Variants in GRM7 observed in about 807,000 individuals in gnomAD.
The protein encoded by GRM7 is glutamate metabotropic receptor 7.
GRM7 carries 35 observed loss-of-function variants against 84.5 expected under a neutral mutation model. The ratio of observed to expected loss-of-function variants is 0.41; its 90% CI spans 0.32 to 0.55. The LOEUF is 0.55. GRM7 is among the 20% of genes least tolerant of loss of function. The pLI, the probability that GRM7 is intolerant of heterozygous loss-of-function variation, is 0.19. For synonymous variants in GRM7, 487 were observed against 455.1 expected (o/e 1.07, Z -0.89); for missense variants, 1,003 against 1,194.6 (o/e 0.84, Z 2.36).
intron 1 of GRM7, among the ~76,000 whole-genome samples, chr3:7,099,398 A>G (rs1037446915): frequency 1.4e-5 from 2 of 148,052 alleles, no homozygotes; most frequent in African/African-American, 4.9e-5. Context: ...TACATTATAT[A>G]CATACATAAT....
chr3:7,229,722 C>CATATATATATATAT (rs772166647), intron 2 of GRM7, among the ~76,000 whole-genome samples: 32 of 25,738 alleles, frequency 1.2e-3, no homozygotes, highest in Middle Eastern at 0.028. Context: ...TCCATAGACA[C>CATATATATATATAT]ACACATATAT....
intron 2 of GRM7, among the ~76,000 whole-genome samples, chr3:7,298,336 G>C (rs1699882032): frequency 6.6e-6 from 1 of 152,114 alleles, no homozygotes; most frequent in Admixed American, 6.6e-5. Flanking sequence ...TTTTTGTAGT[G>C]TTATTAAGGG....
chr3:7,327,043 G>A (rs1378001847), intron 4 of GRM7, among the ~76,000 whole-genome samples: 1 of 152,104 alleles, frequency 6.6e-6, no homozygotes, highest in Non-Finnish European at 1.5e-5. Flanking sequence ...CACTAGCATG[G>A]TGCCTGGCAC....
chr3:7,132,289 C>G (rs1406042936), intron 1 of GRM7, among the ~76,000 whole-genome samples: 1 of 152,100 alleles, frequency 6.6e-6, no homozygotes, highest in Non-Finnish European at 1.5e-5. Context: ...ATATTATATT[C>G]CTTACTTGGT....
intron 9 of GRM7, among the ~76,000 whole-genome samples, chr3:7,686,794 A>G (rs958198289): frequency 3.9e-5 from 6 of 152,138 alleles, no homozygotes; most frequent in Non-Finnish European, 7.4e-5. Context: ...ATGTTTTCCT[A>G]CTGTGGGCTT....
At chr3:7,300,219 G>T (rs904779904) in intron 3 of GRM7, among the ~76,000 whole-genome samples, 10 of 152,066 alleles carry the variant, frequency 6.6e-5, no homozygotes, top group African/African-American at 2.2e-4. Flanking sequence ...CAGGGTAAAG[G>T]TTTAATGGCC....
chr3:7,685,801 AG>A (rs1425313964), intron 9 of GRM7, among the ~76,000 whole-genome samples: 1 of 151,372 alleles, frequency 6.6e-6, no homozygotes, highest in Non-Finnish European at 1.5e-5. Context: ...AAAAAAAAAA[AG>A]AAAGAAAAAG....
intron 8 of GRM7, among the ~76,000 whole-genome samples, chr3:7,658,595 G>A (rs1699302477): frequency 6.6e-6 from 1 of 152,176 alleles, no homozygotes; most frequent in East Asian, 1.9e-4. Flanking sequence ...TGTAAAGCAA[G>A]TTAACGATAC....
intron 2 of GRM7, among the ~76,000 whole-genome samples, chr3:7,208,572 G>A (rs1239463922): frequency 6.6e-6 from 1 of 152,128 alleles, no homozygotes; most frequent in Non-Finnish European, 1.5e-5. Context: ...AGGGAGGTTT[G>A]CTCAGAGGGC....
Position 7,216,354 on chromosome 3 carries a change from G to A in GRM7, c.736+69686G>A, listed in dbSNP as rs140235374. Among the ~76,000 whole-genome samples, 8 of 152,298 alleles carry A rather than the reference G, an allele frequency of 5.3e-5. No homozygotes were observed. The East Asian group carries it at 1.5e-3, about 29-fold the overall frequency. ...TCTACTGATAATTGACTAAAGGCAA[G>A]TATATGTACCTATATGTATTTGTGT... On this transcript the variant is annotated intron_variant, in intron 2 of 9. Coordinates refer to ENST00000357716, the MANE Select transcript of GRM7 (RefSeq NM_000844.4).
intron 9 of GRM7, among the ~76,000 whole-genome samples, chr3:7,698,801 C>T (rs1343920941): frequency 6.6e-6 from 1 of 152,096 alleles, no homozygotes; most frequent in African/African-American, 2.4e-5. Context: ...TTAAGTACCC[C>T]CGGGCTACTA....
chr3:7,524,459 T>C (rs1266573900), intron 7 of GRM7, among the ~76,000 whole-genome samples: 2 of 88,188 alleles, frequency 2.3e-5, no homozygotes, highest in Non-Finnish European at 4.3e-5. Flanking sequence ...GCAAAGGACA[T>C]GAACAGACAC....
chr3:7,382,257 T>C (rs1056162724), intron 4 of GRM7, among the ~76,000 whole-genome samples: 2 of 152,186 alleles, frequency 1.3e-5, no homozygotes, highest in African/African-American at 4.8e-5. Context: ...TTATGAGCTT[T>C]GATTGCCTTT....
intron 1 of GRM7, among the ~76,000 whole-genome samples, chr3:6,991,014 A>G (rs1346788446): frequency 6.6e-6 from 1 of 152,130 alleles, no homozygotes; most frequent in Non-Finnish European, 1.5e-5. Context: ...GGCTGCCGTG[A>G]GACATGATCA....
chr3:7,569,085 C>G (rs574529354), intron 7 of GRM7, among the ~76,000 whole-genome samples: 1 of 152,186 alleles, frequency 6.6e-6, no homozygotes, highest in Non-Finnish European at 1.5e-5. Context: ...CTTGGAGAAC[C>G]TTTATGTCTA....
chr3:7,450,859 T>C (rs1253417277), intron 5 of GRM7, among the ~76,000 whole-genome samples: 1 of 152,066 alleles, frequency 6.6e-6, no homozygotes, highest in Non-Finnish European at 1.5e-5. Flanking sequence ...TGCTCTGAAA[T>C]GGAAAAATAC....
intron 8 of GRM7, among the ~76,000 whole-genome samples, chr3:7,652,058 G>C (rs933961596): frequency 2.6e-5 from 4 of 152,034 alleles, no homozygotes; most frequent in South Asian, 2.1e-4. Context: ...AATCCTGAAG[G>C]GTAGTCCATT....
intron 8 of GRM7, among the ~76,000 whole-genome samples, chr3:7,647,162 G>A (rs556658344): frequency 6.6e-6 from 1 of 152,324 alleles, no homozygotes; most frequent in Admixed American, 6.5e-5. Context: ...TGGACCCTCA[G>A]CCAGTAAAAA....
chr3:7,644,488 A>G lies in GRM7; in HGVS notation c.2452-35561A>G, dbSNP rs73021893. ...TTAGAGAGTAACATGATTTTTCTTTATTCTGTCAAGTTACTTAAATAATTC... is the reference window on the plus strand; with the variant it reads ...TTAGAGAGTAACATGATTTTTCTTTGTTCTGTCAAGTTACTTAAATAATTC... On this transcript the variant is annotated intron_variant, in intron 8 of 9. Transcript: ENST00000357716. 8.2e-3 allele frequency among the ~76,000 whole-genome samples: 1,249 copies of G among 152,242 alleles called. 10 individuals carry two copies. Among genetic ancestry groups the G allele is most frequent in the Admixed American group, 0.013 (195 of 15,286 alleles).
Sources: gnomAD v4.1 joint callset for allele counts (sites outside exome capture counted in the v4.1 genomes callset) on GRCh38, gnomAD v4.1.1 for gene constraint, MANE v1.5 for transcripts, NCBI Gene and HGNC (gene_info 2026-07-23, HGNC 2026-07-21) for gene names.